Variants in MPPED2 observed in about 807,000 individuals in gnomAD.
The protein encoded by MPPED2 is metallophosphoesterase MPPED2.
In MPPED2, 5 loss-of-function variants were observed where a neutral mutation model predicts 33.0. That is an observed-to-expected ratio of 0.15 (90% CI 0.08 to 0.32). The LOEUF (loss-of-function observed/expected upper bound fraction) is 0.32, where lower values mean the gene tolerates loss of function less well. MPPED2 is among the 10% of genes least tolerant of loss of function. The pLI is 1.00. For synonymous variants in MPPED2, 136 were observed against 141.9 expected, an observed-to-expected ratio of 0.96 and a Z score of 0.29; for missense variants, 275 against 372.1, an observed-to-expected ratio of 0.74 and a Z score of 2.15.
intron 3 of MPPED2, among the ~76,000 whole-genome samples, chr11:30,520,683 A>G (rs1953821636): frequency 6.6e-6 from 1 of 152,242 alleles, no homozygotes; most frequent in Non-Finnish European, 1.5e-5. Context: ...AATAGCCTAT[A>G]AAACATACAT....
chr11:30,580,789 C>T (rs904598605), intron 1 of MPPED2, among the ~76,000 whole-genome samples: 16 of 152,264 alleles, frequency 1.1e-4, no homozygotes, highest in Middle Eastern at 3.4e-3. Flanking sequence ...GCATATCCAC[C>T]GTTGCCATGG....
At chr11:30,582,255 A>C (rs1957202142) in intron 1 of MPPED2, among the ~76,000 whole-genome samples, 1 of 152,232 alleles carries the variant, frequency 6.6e-6, no homozygotes. Context: ...GCTGAAAAGT[A>C]AATACAAATG....
chr11:30,482,800 T>A (rs1297587740), intron 4 of MPPED2, among the ~76,000 whole-genome samples: 1 of 152,188 alleles, frequency 6.6e-6, no homozygotes, highest in African/African-American at 2.4e-5. Context: ...GAACTGACTT[T>A]AGAGCACTGT....
chr11:30,389,942 A>G (rs576858971), intron 6 of MPPED2, among the ~76,000 whole-genome samples: 1 of 152,232 alleles, frequency 6.6e-6, no homozygotes, highest in South Asian at 2.1e-4. Flanking sequence ...CACACAAAAT[A>G]CCCACAGCTA....
rs922823962 is a variant in MPPED2 at position 30,469,679 on chromosome 11, C to G, written c.536+25617G>C. On this transcript the variant is annotated intron_variant, in intron 4 of 6. Coordinates refer to ENST00000358117, the MANE Select transcript of MPPED2 (RefSeq NM_001584.3). Reference sequence around the variant, plus strand: ...GGTGTGTAAAGCCCTTCAGAGAGTGCCTCCCCCAGGAGTAAGCCCTCAAAT... The same window carrying G: ...GGTGTGTAAAGCCCTTCAGAGAGTGGCTCCCCCAGGAGTAAGCCCTCAAAT... Among the ~76,000 whole-genome samples the G allele has an allele frequency of 5.9e-5, 9 of 152,106 alleles. No homozygotes were observed. The East Asian group carries it at 1.7e-3, about 29-fold the overall frequency.
At chr11:30,420,267 A>C (rs747840593) in intron 4 of MPPED2, among the ~76,000 whole-genome samples, 11 of 152,192 alleles carry the variant, frequency 7.2e-5, no homozygotes, top group Non-Finnish European at 1.5e-4. Flanking sequence ...TCAACCTGCT[A>C]TTGATGGCTT....
intron 4 of MPPED2, among the ~76,000 whole-genome samples, chr11:30,471,336 C>T (rs1238377192): frequency 6.6e-6 from 1 of 152,214 alleles, no homozygotes; most frequent in Admixed American, 6.5e-5. Context: ...AAATAATTGT[C>T]CTGCTTAAAA....
chr11:30,561,626 A>G, intron 2 of MPPED2, among the ~76,000 whole-genome samples: 1 of 152,186 alleles, frequency 6.6e-6, no homozygotes, highest in Admixed American at 6.6e-5. Context: ...CAACCTAGGC[A>G]AAGAGGGTTA....
chr11:30,470,201 G>A (rs1950888932), intron 4 of MPPED2, among the ~76,000 whole-genome samples: 1 of 152,144 alleles, frequency 6.6e-6, no homozygotes, highest in Admixed American at 6.5e-5. Context: ...TGATTCTAAT[G>A]TAAGAGGTTT....
In MPPED2 at chr11:30,386,669, A is replaced by AG. The variant is rs1181911199; in HGVS notation, c.*2219_*2220insC. 19 of 398,544 alleles carry AG rather than the reference A, an allele frequency of 4.8e-5. No individual in the cohort carries two copies. In the East Asian group the frequency reaches 6.8e-4, roughly 14 times the overall value. 24.7% of individuals were successfully genotyped at this position (398,544 alleles called of 1,614,324 possible). ...CAGAATTTGGATCCCAAATAAATGAATGAACAGAACTCAAATCAGATGAAC... is the reference window on the plus strand; with the variant it reads ...CAGAATTTGGATCCCAAATAAATGAAGTGAACAGAACTCAAATCAGATGAAC... On this transcript the variant is annotated 3_prime_UTR_variant, in exon 7 of 7. Coordinates refer to the MPPED2 transcript ENST00000448418.
chr11:30,490,933 A>T (rs1951952920), intron 4 of MPPED2, among the ~76,000 whole-genome samples: 1 of 152,192 alleles, frequency 6.6e-6, no homozygotes, highest in African/African-American at 2.4e-5. Flanking sequence ...AAACCTGTGA[A>T]TCCTTAATAT....
At position 30,534,862 on chromosome 11, in the gene MPPED2, G is replaced by C. The variant is rs1300932487; in HGVS notation, c.310+1132C>G. ...ATTTTTAGAGAGATGTCTTATTAAA[G>C]AAAGGCATAGCCAACCATATGAATG... is the stretch of plus-strand genomic sequence containing the variant. On this transcript the variant is annotated intron_variant, in intron 3 of 6. Coordinates refer to ENST00000358117, the MANE Select transcript of MPPED2 (RefSeq NM_001584.3). Among the ~76,000 whole-genome samples, 4 of 152,118 alleles carry C rather than the reference G, an allele frequency of 2.6e-5. No individual in the cohort carries two copies. In the East Asian group the frequency reaches 7.7e-4, roughly 29 times the overall value.
chr11:30,528,468 C>T (rs1352458727), intron 3 of MPPED2, among the ~76,000 whole-genome samples: 1 of 151,962 alleles, frequency 6.6e-6, no homozygotes, highest in Non-Finnish European at 1.5e-5. Context: ...ATGTTGCCCA[C>T]GCTGGTCTCA....
rs758830354 is a variant in MPPED2 at position 30,499,562 on chromosome 11, C to T, written c.311-4041G>A. Among the ~76,000 whole-genome samples the T allele has an allele frequency of 5.3e-4, 81 of 152,240 alleles. 1 individual carries two copies. The highest frequency in any genetic ancestry group is 8.1e-4 in the Non-Finnish European group (55 of 68,010). On this transcript the variant is annotated intron_variant, in intron 3 of 6. Transcript: ENST00000358117. ...CACCTTCCTTTTCCAGGCATCTCCT[C>T]TCTTTGATATTTTGGGCCTCTCTCT...
chr11:30,401,952 C>T (rs554230660), intron 6 of MPPED2, among the ~76,000 whole-genome samples: 14 of 151,990 alleles, frequency 9.2e-5, no homozygotes, highest in Middle Eastern at 3.4e-3. Flanking sequence ...CTGCCTCGGC[C>T]TCCCAAAGTG....
At chr11:30,525,771 T>A (rs1234955276) in intron 3 of MPPED2, among the ~76,000 whole-genome samples, 1 of 152,186 alleles carries the variant, frequency 6.6e-6, no homozygotes. Flanking sequence ...AATGATCTAA[T>A]ATACTCAAAA....
At chr11:30,468,233 C>CAG (rs1950797837) in intron 4 of MPPED2, among the ~76,000 whole-genome samples, 1 of 97,634 alleles carries the variant, frequency 1.0e-5, no homozygotes, top group Non-Finnish European at 2.2e-5. Context: ...ATACTATACA[C>CAG]ACACACACAC....
intron 4 of MPPED2, among the ~76,000 whole-genome samples, chr11:30,450,256 T>C (rs1390124271): frequency 1.3e-5 from 2 of 152,246 alleles, no homozygotes; most frequent in Non-Finnish European, 2.9e-5. Context: ...ATGCAGTGGT[T>C]AATCAAAGAG....
chr11:30,409,078 T>C (rs921596241), downstream of MPPED2, among the ~76,000 whole-genome samples: 1 of 152,184 alleles, frequency 6.6e-6, no homozygotes, highest in Admixed American at 6.5e-5. Context: ...GCAATTTTAG[T>C]AAGTGCTTAG....
Sources: gnomAD v4.1 joint callset for allele counts (sites outside exome capture counted in the v4.1 genomes callset) on GRCh38, gnomAD v4.1.1 for gene constraint, MANE v1.5 for transcripts, NCBI Gene and HGNC (gene_info 2026-07-23, HGNC 2026-07-21) for gene names.